FBN1: variants seen among roughly 807,000 people sequenced by gnomAD.
The protein encoded by FBN1 is fibrillin-1.
In FBN1, 29 loss-of-function variants were observed where a neutral mutation model predicts 365.1. The ratio of observed to expected loss-of-function variants is 0.08; its 90% CI spans 0.06 to 0.11. The LOEUF is 0.11. Ranked by LOEUF, FBN1 falls within the 10% of genes least tolerant of loss-of-function variation. The pLI, the probability that FBN1 is intolerant of heterozygous loss-of-function variation, is 1.00. For missense variants in FBN1, 2,476 were observed against 3,703.2 expected, an observed-to-expected ratio of 0.67 and a Z score of 8.60; for synonymous variants, 1,210 against 1,270.5, an observed-to-expected ratio of 0.95 and a Z score of 1.01.
At chr15:48,425,591 A>G in intron 59 of FBN1, 100 bp from the exon 60 acceptor site, 1 of 1,567,744 alleles carries the variant, frequency 6.4e-7, no homozygotes, top group East Asian at 2.3e-5. Context: ...TCGGGGAAAG[A>G]AAAAGGAAAC....
chr15:48,508,334 T>C (rs2043728238), intron 15 of FBN1, among the ~76,000 whole-genome samples: 1 of 152,234 alleles, frequency 6.6e-6, no homozygotes, highest in South Asian at 2.1e-4. Context: ...ATTATTTATT[T>C]GCTACATAGC....
At chr15:48,440,030 T>C (rs1261904664) in intron 50 of FBN1, among the ~76,000 whole-genome samples, 3 of 152,196 alleles carry the variant, frequency 2.0e-5, no homozygotes, top group Non-Finnish European at 4.4e-5. Context: ...ATTTCCTGGC[T>C]CCAGCAAAAT....
chr15:48,640,450 T>C (rs1048541044), intron 2 of FBN1, among the ~76,000 whole-genome samples: 2 of 152,220 alleles, frequency 1.3e-5, no homozygotes, highest in Non-Finnish European at 2.9e-5. Context: ...TAAAGTCCCC[T>C]TTATAAAGTA....
chr15:48,458,215 A>G (rs1015441856), intron 43 of FBN1, among the ~76,000 whole-genome samples: 11 of 152,242 alleles, frequency 7.2e-5, no homozygotes, highest in African/African-American at 2.7e-4. Context: ...GAAGATGATC[A>G]CGGACTGAAG....
At chr15:48,476,892 G>A (rs568141408) in intron 32 of FBN1, 2 of 150,502 alleles carry the variant, frequency 1.3e-5, no homozygotes, top group African/African-American at 4.9e-5. Flanking sequence ...GCCTCCCAAA[G>A]TGTTGGGATT....
At chr15:48,489,773 A>C in intron 25 of FBN1, 78 bp downstream of exon 25, 1 of 1,070,116 alleles carries the variant, frequency 9.3e-7, no homozygotes, top group Non-Finnish European at 1.5e-6. Context: ...ATGATCAAGT[A>C]GAGTGCTGAG....
intron 53 of FBN1, among the ~76,000 whole-genome samples, chr15:48,436,265 A>G (rs1212982686): frequency 6.6e-6 from 1 of 152,228 alleles, no homozygotes; most frequent in Non-Finnish European, 1.5e-5. Flanking sequence ...AGAAAAGCTA[A>G]AAAAACTGCT....
chr15:48,600,026 T>C, intron 5 of FBN1, 113 bp downstream of exon 5: 1 of 812,662 alleles, frequency 1.2e-6, no homozygotes, highest in Non-Finnish European at 2.1e-6. Flanking sequence ...TGGACACTTG[T>C]AAACATGCTG....
chr15:48,526,614 C>T (rs1187840407), intron 8 of FBN1, among the ~76,000 whole-genome samples: 1 of 152,138 alleles, frequency 6.6e-6, no homozygotes, highest in African/African-American at 2.4e-5. Flanking sequence ...TTAAGTTAAA[C>T]TCTCCTACTA....
chr15:48,523,364 T>C (rs927856061), intron 9 of FBN1, among the ~76,000 whole-genome samples: 3 of 152,368 alleles, frequency 2.0e-5, no homozygotes, highest in Admixed American at 6.5e-5. Flanking sequence ...ATTGCCCATC[T>C]GGCTGACTTA....
chr15:48,411,804 T>C, intron 65 of FBN1, among the ~76,000 whole-genome samples: 1 of 152,274 alleles, frequency 6.6e-6, no homozygotes, highest in East Asian at 1.9e-4. Context: ...ACTGTTTTAA[T>C]AGATTATGTT....
intron 6 of FBN1, among the ~76,000 whole-genome samples, chr15:48,582,450 T>G (rs1479952641): frequency 6.6e-6 from 1 of 152,290 alleles, no homozygotes; most frequent in South Asian, 2.1e-4. Context: ...CAGTAAGAAT[T>G]TATTCTTCTA....
intron 9 of FBN1, among the ~76,000 whole-genome samples, chr15:48,523,929 C>T (rs1180259851): frequency 6.6e-6 from 1 of 152,168 alleles, no homozygotes; most frequent in Non-Finnish European, 1.5e-5. Context: ...AATCACTTGG[C>T]CCTTATTCTC....
At chr15:48,629,656 G>C (rs750894065) in intron 2 of FBN1, among the ~76,000 whole-genome samples, 62 of 152,222 alleles carry the variant, frequency 4.1e-4, no homozygotes, top group Non-Finnish European at 8.1e-4. Flanking sequence ...TAAATGCAAT[G>C]AGGGAGAGAA....
intron 2 of FBN1, among the ~76,000 whole-genome samples, chr15:48,635,560 GAT>G (rs895541692): frequency 6.6e-6 from 1 of 152,114 alleles, no homozygotes; most frequent in African/African-American, 2.4e-5. Flanking sequence ...TACACCAACA[GAT>G]ACATACATTT....
At chr15:48,499,345 G>A (rs917416232) in intron 17 of FBN1, among the ~76,000 whole-genome samples, 5 of 152,128 alleles carry the variant, frequency 3.3e-5, no homozygotes, top group South Asian at 4.2e-4. Flanking sequence ...TTACACTTAC[G>A]GTGAAATGTG....
chr15:48,498,936 G>A, intron 18 of FBN1, 49 bp downstream of exon 18: 2 of 1,558,098 alleles, frequency 1.3e-6, no homozygotes, highest in Non-Finnish European at 8.9e-7. Context: ...AAAGCCTGAT[G>A]CTGCCTCTGC....
chr15:48,414,402 G>A (rs1451185979), intron 64 of FBN1, among the ~76,000 whole-genome samples: 1 of 152,154 alleles, frequency 6.6e-6, no homozygotes, highest in Non-Finnish European at 1.5e-5. Flanking sequence ...GGGGGTGTGT[G>A]TGTACACGCA....
chr15:48,547,620 T>C (rs561423913), intron 6 of FBN1, among the ~76,000 whole-genome samples: 47 of 152,292 alleles, frequency 3.1e-4, no homozygotes, highest in Middle Eastern at 6.8e-3. Flanking sequence ...ATGGTTTTGA[T>C]ACATTGGTTG....
Sources: gnomAD v4.1 joint callset for allele counts (sites outside exome capture counted in the v4.1 genomes callset) on GRCh38, gnomAD v4.1.1 for gene constraint, MANE v1.5 for transcripts, NCBI Gene and HGNC (gene_info 2026-07-23, HGNC 2026-07-21) for gene names.